Variants in KCNQ5 observed in about 807,000 individuals in gnomAD.
KCNQ5 encodes the protein potassium voltage-gated channel subfamily Q member 5, also known as potassium voltage-gated channel subfamily KQT member 5.
Under a neutral mutation model 98.2 loss-of-function variants are expected in KCNQ5, and 30 were observed. The ratio of observed to expected loss-of-function variants is 0.31; its 90% CI spans 0.23 to 0.41. The LOEUF is 0.41. Among genes scored for constraint, KCNQ5 ranks in the 10% least tolerant of loss-of-function variants. KCNQ5 has a pLI of 1.00. For synonymous variants in KCNQ5, 458 were observed against 449.4 expected, an observed-to-expected ratio of 1.02 and a Z score of -0.24; for missense variants, 835 against 1,182.5, an observed-to-expected ratio of 0.71 and a Z score of 4.31.
At chr6:73,156,003 A>G (rs1777348006) in intron 10 of KCNQ5, among the ~76,000 whole-genome samples, 1 of 152,190 alleles carries the variant, frequency 6.6e-6, no homozygotes, top group Non-Finnish European at 1.5e-5. Flanking sequence ...ACTTAGTGAA[A>G]TGAAATTGTG....
intron 1 of KCNQ5, among the ~76,000 whole-genome samples, chr6:72,891,066 T>A (rs1779038918): frequency 6.6e-6 from 1 of 152,230 alleles, no homozygotes; most frequent in South Asian, 2.1e-4. Context: ...AAGCTTCATA[T>A]TGATCAAAAG....
rs1390607008 is a variant in KCNQ5 at position 72,950,747 on chromosome 6, A to G, written c.399-53161A>G. On this transcript the variant is annotated intron_variant, in intron 1 of 13. Coordinates refer to ENST00000370398, the MANE Select transcript of KCNQ5 (RefSeq NM_019842.4). Reference sequence around the variant, plus strand: ...AGCGGTAGAACAATTCCAATCTAGCATGATCTGTCTTGAATTCTAAGAATA... The same window carrying G: ...AGCGGTAGAACAATTCCAATCTAGCGTGATCTGTCTTGAATTCTAAGAATA... Among the ~76,000 whole-genome samples the G allele has an allele frequency of 4.6e-5, 7 of 152,324 alleles. No homozygotes were observed. In the East Asian group the frequency reaches 7.7e-4, roughly 17 times the overall value.
At position 72,745,698 on chromosome 6, in the gene KCNQ5, G is replaced by A. The variant is rs552210712; in HGVS notation, c.398+123111G>A. 3.9e-5 allele frequency among the ~76,000 whole-genome samples: 6 copies of A among 152,212 alleles called. No individual in the cohort carries two copies. In the South Asian group the frequency reaches 1.0e-3, roughly 26 times the overall value. On this transcript the variant is annotated intron_variant, in intron 1 of 13. Transcript: ENST00000370398. ...GTCGTATTTGTTTCCTTTGGATGCC[G>A]TATCAAATTACCACAAGCTGAGTGG...
rs1188573710 is a variant in KCNQ5 at position 72,783,650 on chromosome 6, A to C, written c.398+161063A>C. Among the ~76,000 whole-genome samples the C allele has an allele frequency of 5.3e-5, 8 of 152,230 alleles. No homozygotes were observed. In the East Asian group the frequency reaches 1.5e-3, roughly 29 times the overall value. ...GCCAGATAAAGAAATTATAGAAAGAAGGCAGAGCATATCATTGTGTTGAAA... is the reference window on the plus strand; with the variant it reads ...GCCAGATAAAGAAATTATAGAAAGACGGCAGAGCATATCATTGTGTTGAAA... On this transcript the variant is annotated intron_variant, in intron 1 of 13. Coordinates refer to ENST00000370398, the MANE Select transcript of KCNQ5 (RefSeq NM_019842.4).
At chr6:72,984,333 C>T (rs1768634903) in intron 1 of KCNQ5, among the ~76,000 whole-genome samples, 1 of 152,216 alleles carries the variant, frequency 6.6e-6, no homozygotes, top group Non-Finnish European at 1.5e-5. Context: ...TCTACAAAGG[C>T]AGGCAGGCCT....
At chr6:73,151,859 AT>A (rs1003868125) in intron 10 of KCNQ5, among the ~76,000 whole-genome samples, 1 of 152,086 alleles carries the variant, frequency 6.6e-6, no homozygotes, top group Admixed American at 6.6e-5. Flanking sequence ...TAAAAATCCA[AT>A]TTTTTTTACA....
chr6:73,194,983 A>G lies in KCNQ5; in HGVS notation c.2368A>G (p.Asn790Asp). 2 of 1,614,064 alleles carry G rather than the reference A, an allele frequency of 1.2e-6. No individual in the cohort carries two copies. The highest frequency in any genetic ancestry group is 1.7e-6 in the Non-Finnish European group (2 of 1,180,032). The change falls in exon 14 of 14, where the codon AAT becomes GAT. Residue 790 changes from asparagine to aspartate, a missense_variant. Transcript: ENST00000370398. The part of the protein sequence containing the change: ...VTTCLVASKE[N>D]VQVAQSNLTK... ...CACCTGCCTTGTTGCCTCCAAGGAA[A>G]ATGTTCAGGTTGCACAGTCAAATCT...
At chr6:72,966,440 C>T (rs368667637) in intron 1 of KCNQ5, among the ~76,000 whole-genome samples, 54 of 150,798 alleles carry the variant, frequency 3.6e-4, no homozygotes, top group Middle Eastern at 3.5e-3. Flanking sequence ...TGGTGGCAGG[C>T]GCCTGTAATC....
intron 1 of KCNQ5, among the ~76,000 whole-genome samples, chr6:72,940,527 A>G (rs1766176163): frequency 6.6e-6 from 1 of 152,222 alleles, no homozygotes; most frequent in African/African-American, 2.4e-5. Context: ...AGACAGGCCC[A>G]GTGTGACTAG....
chr6:72,848,210 A>G (rs1281841723), intron 1 of KCNQ5, among the ~76,000 whole-genome samples: 3 of 151,686 alleles, frequency 2.0e-5, no homozygotes, highest in Admixed American at 6.6e-5. Context: ...TTTCTTACTT[A>G]AAGTTCCGGG....
intron 1 of KCNQ5, among the ~76,000 whole-genome samples, chr6:72,722,603 A>G (rs1770027846): frequency 6.6e-6 from 1 of 152,172 alleles, no homozygotes; most frequent in South Asian, 2.1e-4. Context: ...GTGAACTGAC[A>G]TGGTGGCTGA....
intron 3 of KCNQ5, 71 bp from the exon 4 acceptor site, chr6:73,077,251 G>T: frequency 6.9e-7 from 1 of 1,441,226 alleles, no homozygotes; most frequent in Non-Finnish European, 9.6e-7. Flanking sequence ...TGAACCTTTT[G>T]GAAATATTGT....
At chr6:72,976,203 G>A (rs950351166) in intron 1 of KCNQ5, among the ~76,000 whole-genome samples, 2 of 152,068 alleles carry the variant, frequency 1.3e-5, no homozygotes, top group African/African-American at 2.4e-5. Context: ...TTCAGATAAT[G>A]TAATGGTTAT....
intron 5 of KCNQ5, among the ~76,000 whole-genome samples, chr6:73,102,234 T>C (rs1482848720): frequency 1.2e-4 from 18 of 152,118 alleles, no homozygotes. Context: ...CCTTGCCATA[T>C]GGAAAAAAAT....
At chr6:72,876,054 C>CT (rs1778395154) in intron 1 of KCNQ5, among the ~76,000 whole-genome samples, 1 of 151,770 alleles carries the variant, frequency 6.6e-6, no homozygotes, top group African/African-American at 2.4e-5. Flanking sequence ...AGTCAATTGG[C>CT]TTTTTGGTAT....
intron 10 of KCNQ5, chr6:73,158,123 C>G: frequency 2.4e-6 from 1 of 410,706 alleles, no homozygotes; most frequent in Non-Finnish European, 4.6e-6. Context: ...CTCGCCCTCC[C>G]GCTACAGGTT....
chr6:73,136,303 T>A (rs1244426769), intron 10 of KCNQ5: 2 of 152,246 alleles, frequency 1.3e-5, no homozygotes, highest in Admixed American at 1.3e-4. Flanking sequence ...TCTGGATTTT[T>A]AATTTGGAAA....
intron 5 of KCNQ5, among the ~76,000 whole-genome samples, chr6:73,078,141 T>G (rs551555127): frequency 6.6e-6 from 1 of 151,120 alleles, no homozygotes; most frequent in African/African-American, 2.4e-5. Flanking sequence ...ATAAAATATA[T>G]AAATATATAT....
intron 1 of KCNQ5, among the ~76,000 whole-genome samples, chr6:72,667,224 G>A (rs1766869047): frequency 1.3e-5 from 2 of 152,122 alleles, no homozygotes; most frequent in Admixed American, 6.6e-5. Context: ...AGCAAGGGGA[G>A]TGGAATGGGC....
Sources: gnomAD v4.1 joint callset for allele counts (sites outside exome capture counted in the v4.1 genomes callset) on GRCh38, gnomAD v4.1.1 for gene constraint, MANE v1.5 for transcripts, NCBI Gene and HGNC (gene_info 2026-07-23, HGNC 2026-07-21) for gene names.